The following PXDNL variants were observed in gnomAD, a reference collection of about 807,000 sequenced individuals.
PXDNL encodes peroxidasin like.
PXDNL carries 145 observed loss-of-function variants against 150.8 expected under a neutral mutation model. That is an observed-to-expected ratio of 0.96 (90% confidence interval 0.84 to 1.10). The LOEUF is 1.10. Ranked by LOEUF, PXDNL falls within the 50% of genes least tolerant of loss-of-function variation. The pLI is 0.00. For synonymous variants in PXDNL, 757 were observed against 725.7 expected (o/e 1.04, Z -0.69); for missense variants, 2,087 against 1,873.9 (o/e 1.11, Z -2.10).
intron 2 of PXDNL, among the ~76,000 whole-genome samples, chr8:51,625,724 T>C (rs1194987483): frequency 6.6e-6 from 1 of 152,154 alleles, no homozygotes; most frequent in African/African-American, 2.4e-5. Context: ...AGTCACACAA[T>C]TGAAAAATAG....
chr8:51,732,555 C>T (rs981294001), intron 1 of PXDNL, among the ~76,000 whole-genome samples: 1 of 152,164 alleles, frequency 6.6e-6, no homozygotes, highest in South Asian at 2.1e-4. Context: ...ACCTTTACAA[C>T]AGCGCCCCAC....
chr8:51,486,788 ATATATATTTTTTTTTTTTTTT>A (rs1810769399), intron 5 of PXDNL, among the ~76,000 whole-genome samples: 1 of 23,752 alleles, frequency 4.2e-5, no homozygotes, highest in Non-Finnish European at 6.9e-5. Flanking sequence ...ATATATATAT[ATATATATTTTTTTTTTTTTTT>A]TTTTTTTTTT....
intron 1 of PXDNL, among the ~76,000 whole-genome samples, chr8:51,674,674 G>C (rs981740617): frequency 6.6e-6 from 1 of 152,248 alleles, no homozygotes; most frequent in Non-Finnish European, 1.5e-5. Flanking sequence ...GCATGGACCT[G>C]AGCGTCAGAG....
rs193274927 is a variant in PXDNL, at chr8:51,345,833, C to G, written c.4016G>C (p.Arg1339Thr). Residue 1339 changes from arginine to threonine, a missense_variant and splice_region_variant, in exon 20 of 23, where the codon AGG (arginine) becomes ACG (threonine). Physicochemically the swap from Arg to Thr is moderately conservative, Grantham distance 71. Coordinates refer to ENST00000356297, the MANE Select transcript of PXDNL (RefSeq NM_144651.5). Reference sequence around the variant, plus strand: ...AGAAATGAGATATTTCTATACATACCTACTTCTTAGATGACTTAACTCCAT... The same window carrying G: ...AGAAATGAGATATTTCTATACATACGTACTTCTTAGATGACTTAACTCCAT... ...KDMELSHLRS[R>T]QQDKIYVGED... The G allele has an allele frequency of 3.2e-6, 5 of 1,571,504 alleles. No homozygotes were observed. The highest frequency in any genetic ancestry group is 8.8e-7 in the Non-Finnish European group (1 of 1,141,932).
At chr8:51,538,540 T>C (rs971572331) in intron 4 of PXDNL, among the ~76,000 whole-genome samples, 2 of 151,596 alleles carry the variant, frequency 1.3e-5, no homozygotes, top group South Asian at 4.2e-4. Flanking sequence ...CTGAGGCGGG[T>C]GGATCACCTG....
Position 51,583,666 on chromosome 8 carries a change from T to A in PXDNL, c.308+8961A>T, listed in dbSNP as rs1813259403. Among the ~76,000 whole-genome samples the A allele has an allele frequency of 1.3e-5, 2 of 152,182 alleles. 1 individual carries two copies. Among genetic ancestry groups the A allele is most frequent in the South Asian group, 4.1e-4 (2 of 4,832 alleles). On this transcript the variant is annotated intron_variant, in intron 3 of 22. Coordinates refer to ENST00000356297, the MANE Select transcript of PXDNL (RefSeq NM_144651.5). Reference sequence around the variant, plus strand: ...CAAATCTTTTTTGCTCACCACGACATAACTAGAGCCTAGTATAGTACTTCC... The same window carrying A: ...CAAATCTTTTTTGCTCACCACGACAAAACTAGAGCCTAGTATAGTACTTCC...
At chr8:51,339,116 G>C (rs892973720) in intron 21 of PXDNL, among the ~76,000 whole-genome samples, 5 of 152,178 alleles carry the variant, frequency 3.3e-5, no homozygotes, top group African/African-American at 1.2e-4. Context: ...CTCTCTGCCT[G>C]TTTGTAGTGT....
At chr8:51,479,965 A>G (rs1810565193) in intron 6 of PXDNL, among the ~76,000 whole-genome samples, 1 of 152,210 alleles carries the variant, frequency 6.6e-6, no homozygotes, top group Non-Finnish European at 1.5e-5. Flanking sequence ...AAGCAGCATT[A>G]TGTGTGTCTG....
Position 51,730,648 on chromosome 8 carries a change from A to G in PXDNL, c.165-75888T>C, listed in dbSNP as rs1816900120. 2.0e-5 allele frequency among the ~76,000 whole-genome samples: 3 copies of G among 152,252 alleles called. No homozygotes were observed. In the South Asian group the frequency reaches 6.2e-4, roughly 32 times the overall value. ...CATTTATGTACAAATAAACACTGAC[A>G]TTGTATATTAGTCTGTTCTCATGCT... On this transcript the variant is annotated intron_variant, in intron 1 of 22. Transcript: ENST00000356297.
At chr8:51,494,881 A>G (rs1220521101) in intron 5 of PXDNL, among the ~76,000 whole-genome samples, 1 of 151,992 alleles carries the variant, frequency 6.6e-6, no homozygotes, top group African/African-American at 2.4e-5. Flanking sequence ...CGAGACAGAA[A>G]GTTAACAAGG....
rs755160319 is a variant in PXDNL at position 51,444,697 on chromosome 8, GA to G, written c.1525+2306del. Among the ~76,000 whole-genome samples the G allele has an allele frequency of 4.6e-5, 7 of 152,030 alleles. No individual in the cohort carries two copies. In the East Asian group the frequency reaches 9.7e-4, roughly 21 times the overall value. ...TATTACTGGGAACAGGTACTGGGGG[GA>G]AAAATATTCCTCATAATCTCAGAGA... On this transcript the variant is annotated intron_variant, in intron 12 of 22. Coordinates refer to ENST00000356297, the MANE Select transcript of PXDNL (RefSeq NM_144651.5).
chr8:51,740,608 T>C (rs982302961), intron 1 of PXDNL, among the ~76,000 whole-genome samples: 27 of 152,232 alleles, frequency 1.8e-4, no homozygotes, highest in African/African-American at 6.3e-4. Flanking sequence ...CATATGTTTG[T>C]TGGCTGCATA....
At chr8:51,609,578 G>C (rs1194988923) in intron 2 of PXDNL, among the ~76,000 whole-genome samples, 1 of 152,214 alleles carries the variant, frequency 6.6e-6, no homozygotes, top group Non-Finnish European at 1.5e-5. Context: ...TGGTGATAGA[G>C]ATGAATAGAG....
intron 12 of PXDNL, chr8:51,436,055 C>G: frequency 1.9e-6 from 1 of 523,314 alleles, no homozygotes; most frequent in South Asian, 1.4e-5. Context: ...CATAGCCTAG[C>G]TGAACTACAG....
At chr8:51,696,313 G>A (rs1376438820) in intron 1 of PXDNL, among the ~76,000 whole-genome samples, 2 of 152,216 alleles carry the variant, frequency 1.3e-5, no homozygotes. Context: ...GCCGTTATAA[G>A]AAGAGGAAGA....
intron 1 of PXDNL, among the ~76,000 whole-genome samples, chr8:51,753,364 A>AGAGT (rs1394722126): frequency 1.3e-5 from 2 of 152,210 alleles, no homozygotes; most frequent in Non-Finnish European, 2.9e-5. Context: ...TCCCTAACAA[A>AGAGT]GAGTGTCCTG....
chr8:51,540,338 T>G (rs138648166), intron 4 of PXDNL, among the ~76,000 whole-genome samples: 3 of 152,328 alleles, frequency 2.0e-5, no homozygotes, highest in African/African-American at 7.2e-5. Context: ...TAGGTCTTTA[T>G]TAATTCCAAA....
At chr8:51,700,081 G>A (rs935903170) in intron 1 of PXDNL, among the ~76,000 whole-genome samples, 2 of 151,930 alleles carry the variant, frequency 1.3e-5, no homozygotes, top group African/African-American at 4.8e-5. Flanking sequence ...CTGGAGGCAG[G>A]GTAGTGACAA....
At chr8:51,748,497 C>T (rs2037010352) in intron 1 of PXDNL, among the ~76,000 whole-genome samples, 2 of 152,138 alleles carry the variant, frequency 1.3e-5, no homozygotes, top group South Asian at 4.1e-4. Context: ...TCCTGGATGC[C>T]ACTGCATTCC....
Sources: allele counts gnomAD v4.1 joint callset (sites outside exome capture counted in the v4.1 genomes callset), GRCh38; gene constraint gnomAD v4.1.1; transcripts MANE v1.5; gene names NCBI Gene and HGNC (gene_info 2026-07-23, HGNC 2026-07-21).